The following RAB6A variants were observed in gnomAD, a reference collection of about 807,000 sequenced individuals.
RAB6A encodes the protein ras-related protein Rab-6A.
Under a neutral mutation model 32.3 loss-of-function variants are expected in RAB6A, and 8 were observed. The ratio of observed to expected loss-of-function variants is 0.25; its 90% CI spans 0.15 to 0.45. The LOEUF is 0.45. Among genes scored for constraint, RAB6A ranks in the 20% least tolerant of loss-of-function variants. The pLI is 1.00. For synonymous variants in RAB6A, 73 were observed against 82.1 expected, an observed-to-expected ratio of 0.89 and a Z score of 0.60; for missense variants, 104 against 249.4, an observed-to-expected ratio of 0.42 and a Z score of 3.93.
rs1289403986 is a variant in RAB6A, at chr11:73,707,564, T to C, written c.402-51A>G. On this transcript the variant is annotated intron_variant, in intron 5 of 7. Coordinates refer to ENST00000336083, the MANE Select transcript of RAB6A (RefSeq NM_198896.2). ...ACTTTTGAGACATGAGGCAGTATTATAAAGATTATAAAGAAAGCTCTGAAA... is the reference window on the plus strand; with the variant it reads ...ACTTTTGAGACATGAGGCAGTATTACAAAGATTATAAAGAAAGCTCTGAAA... The C allele has an allele frequency of 2.3e-6, 3 of 1,289,646 alleles. No homozygotes were observed. In the South Asian group the frequency reaches 3.7e-5, roughly 16 times the overall value. The allele number at this position is 1,289,646 out of a possible 1,614,324, so 79.9% of individuals were successfully genotyped here.
At chr11:73,691,948 G>A (rs1215328790) in intron 6 of RAB6A, among the ~76,000 whole-genome samples, 2 of 152,018 alleles carry the variant, frequency 1.3e-5, no homozygotes, top group African/African-American at 4.8e-5. Context: ...ACTCCGGCCT[G>A]GGTGACAAGA....
chr11:73,710,272 C>CTTATATTTTTTATATTTAACT (rs1331233667), intron 5 of RAB6A, among the ~76,000 whole-genome samples: 6 of 150,988 alleles, frequency 4.0e-5, no homozygotes, highest in African/African-American at 1.2e-4. Context: ...GGCCCCCATG[C>CTTATATTTTTTATATTTAACT]TTATATTTTT....
intron 1 of RAB6A, among the ~76,000 whole-genome samples, chr11:73,755,573 G>A (rs1405019709): frequency 6.6e-5 from 10 of 152,134 alleles, no homozygotes; most frequent in African/African-American, 2.2e-4. Flanking sequence ...GATTATAGGC[G>A]TGAGCCACCG....
At chr11:73,733,472 C>T (rs1946347967) in intron 1 of RAB6A, among the ~76,000 whole-genome samples, 1 of 151,628 alleles carries the variant, frequency 6.6e-6, no homozygotes, top group Admixed American at 6.6e-5. Context: ...TCGTTTGAAC[C>T]CAGGAGGTGG....
Position 73,720,875 on chromosome 11 carries a change from A to G in RAB6A, c.154T>C (p.Ser52Pro), listed in dbSNP as rs775389116. ...YQATIGIDFL[S>P]KTMYLEDRTV... ...CGATCCTCCAAGTACATAGTTTTTG[A>G]TAAAAAGTCAATGCCAATTGTTGCC... The change falls in exon 3 of 8, where the codon TCA becomes CCA. Residue 52 changes from serine to proline, a missense_variant. Physicochemically the swap from Ser to Pro is moderately conservative, Grantham distance 74 (BLOSUM62 -1). This residue lies in a region of RAB6A where 48 missense variants were observed against 155.2 expected (regional missense o/e 0.31). Coordinates refer to ENST00000336083, the MANE Select transcript of RAB6A (RefSeq NM_198896.2). The G allele has an allele frequency of 6.2e-7, 1 of 1,610,708 alleles. No homozygotes were observed. Among genetic ancestry groups the G allele is most frequent in the Non-Finnish European group, 8.5e-7 (1 of 1,178,032 alleles).
At chr11:73,707,395 A>T in intron 6 of RAB6A, 25 bp downstream of exon 6, 1 of 1,524,442 alleles carries the variant, frequency 6.6e-7, no homozygotes, top group Non-Finnish European at 9.1e-7. Flanking sequence ...TATTTTTTCA[A>T]TTTGGTAACC....
intron 7 of RAB6A, among the ~76,000 whole-genome samples, chr11:73,679,419 A>C (rs905747661): frequency 5.9e-5 from 9 of 152,232 alleles, no homozygotes; most frequent in Admixed American, 5.2e-4. Context: ...TGCTCATTTA[A>C]AAGCAAGCAA....
chr11:73,740,611 AG>A (rs111727107), intron 1 of RAB6A, among the ~76,000 whole-genome samples: 9,196 of 151,920 alleles, frequency 0.061, 378 homozygotes, highest in East Asian at 0.17. Flanking sequence ...CTAGCTGGCC[AG>A]GAGCAGCGGC....
chr11:73,684,879 C>A (rs921083966), intron 6 of RAB6A, among the ~76,000 whole-genome samples: 1 of 152,196 alleles, frequency 6.6e-6, no homozygotes, highest in South Asian at 2.1e-4. Context: ...AGGATATATA[C>A]ATATTGGAGG....
rs79339301 is a variant in RAB6A at position 73,747,816 on chromosome 11, C to T, written c.70+12750G>A. ...TTTGGATTTGTCTGATGTTTTCTCA[C>T]GATTAGACAGAGGCCATGAATTCTT... On this transcript the variant is annotated intron_variant, in intron 1 of 7. Transcript: ENST00000336083. Among the ~76,000 whole-genome samples, 821 of 152,248 alleles carry T rather than the reference C, an allele frequency of 5.4e-3. 8 individuals are homozygous for T. The highest frequency in any genetic ancestry group is 0.018 in the African/African-American group (745 of 41,530).
At chr11:73,693,300 A>G (rs1945605651) in intron 6 of RAB6A, among the ~76,000 whole-genome samples, 1 of 151,362 alleles carries the variant, frequency 6.6e-6, no homozygotes, top group Non-Finnish European at 1.5e-5. Flanking sequence ...AAAAATAAAT[A>G]AATAAATAAA....
intron 1 of RAB6A, among the ~76,000 whole-genome samples, chr11:73,742,303 T>TA (rs141414619): frequency 0.013 from 2,012 of 151,646 alleles, 29 homozygotes; most frequent in African/African-American, 0.035. Context: ...AATAAATAAA[T>TA]AATAATAAAA....
rs867245608 is a variant in RAB6A at position 73,696,867 on chromosome 11, G to A, written c.495+10553C>T. Among the ~76,000 whole-genome samples, 6 of 152,106 alleles carry A rather than the reference G, an allele frequency of 3.9e-5. No individual in the cohort carries two copies. The Middle Eastern group carries it at 0.01, about 259-fold the overall frequency. ...AGTCCTCCCACCTTGGCCTCCCAAG[G>A]TGCTGGGATTACCGGGCATGAGCCA... On this transcript the variant is annotated intron_variant, in intron 6 of 7. Transcript: ENST00000336083.
At chr11:73,743,155 A>T (rs960582021) in intron 1 of RAB6A, among the ~76,000 whole-genome samples, 6 of 151,950 alleles carry the variant, frequency 3.9e-5, no homozygotes, top group African/African-American at 1.5e-4. Flanking sequence ...CACAAAAAAA[A>T]TTAGCCAGAT....
chr11:73,743,922 T>G (rs2134999224), intron 1 of RAB6A, among the ~76,000 whole-genome samples: 1 of 152,270 alleles, frequency 6.6e-6, no homozygotes, highest in African/African-American at 2.4e-5. Context: ...TCTCTAAGAA[T>G]TTTAGATCAG....
intron 1 of RAB6A, among the ~76,000 whole-genome samples, chr11:73,746,761 G>A (rs1371469899): frequency 2.1e-5 from 3 of 144,856 alleles, no homozygotes; most frequent in Admixed American, 7.0e-5. Flanking sequence ...ACTCTGCCTC[G>A]AAATAAATTA....
intron 1 of RAB6A, among the ~76,000 whole-genome samples, chr11:73,735,974 A>G (rs1946387554): frequency 6.6e-6 from 1 of 150,708 alleles, no homozygotes; most frequent in South Asian, 2.1e-4. Flanking sequence ...ATCACATACC[A>G]TACAATTCAC....
chr11:73,717,138 G>T (rs189686205), intron 4 of RAB6A, among the ~76,000 whole-genome samples: 1 of 152,268 alleles, frequency 6.6e-6, no homozygotes, highest in East Asian at 1.9e-4. Context: ...AAGTAAAGGT[G>T]CAAAGGAAGA....
chr11:73,749,999 TACA>T (rs1946650332), intron 1 of RAB6A, among the ~76,000 whole-genome samples: 1 of 152,202 alleles, frequency 6.6e-6, no homozygotes, highest in African/African-American at 2.4e-5. Flanking sequence ...TACCTCTAAT[TACA>T]ACATTTTTAA....
Sources: allele counts gnomAD v4.1 joint callset (sites outside exome capture counted in the v4.1 genomes callset), GRCh38; gene constraint gnomAD v4.1.1; regional missense constraint gnomAD v4.1.1; transcripts MANE v1.5; gene names NCBI Gene and HGNC (gene_info 2026-07-23, HGNC 2026-07-21).